Variants in SEMA3E observed in about 807,000 individuals in gnomAD.
SEMA3E encodes the protein semaphorin-3E.
SEMA3E carries 49 observed loss-of-function variants against 93.6 expected under a neutral mutation model. That is an observed-to-expected ratio of 0.52 (90% CI 0.42 to 0.66). The LOEUF (loss-of-function observed/expected upper bound fraction) is 0.66. Ranked by LOEUF, SEMA3E falls within the 30% of genes least tolerant of loss-of-function variation. The probability of loss-of-function intolerance (pLI) is 0.00; values close to 1 mark genes in which losing one functional copy is unlikely to be tolerated. For synonymous variants in SEMA3E, 363 were observed against 330.7 expected, an observed-to-expected ratio of 1.10 and a Z score of -1.06; for missense variants, 906 against 964.8, an observed-to-expected ratio of 0.94 and a Z score of 0.81.
intron 1 of SEMA3E, among the ~76,000 whole-genome samples, chr7:83,565,152 G>A (rs1174436538): frequency 1.3e-5 from 2 of 151,998 alleles, no homozygotes; most frequent in African/African-American, 4.8e-5. Context: ...CCAAGAAGAA[G>A]TTGAAGATAA....
intron 2 of SEMA3E, among the ~76,000 whole-genome samples, chr7:83,482,071 T>A (rs1334741089): frequency 6.6e-6 from 1 of 152,122 alleles, no homozygotes; most frequent in Admixed American, 6.5e-5. Context: ...ACACAATCCT[T>A]AGGTGTTTAC....
intron 9 of SEMA3E, among the ~76,000 whole-genome samples, chr7:83,404,757 G>A (rs781132066): frequency 6.6e-6 from 1 of 151,962 alleles, no homozygotes; most frequent in Non-Finnish European, 1.5e-5. Flanking sequence ...ATGAATCAAC[G>A]TAAGAGCAGG....
intron 1 of SEMA3E, among the ~76,000 whole-genome samples, chr7:83,573,567 G>A (rs957715541): frequency 2.6e-5 from 4 of 152,110 alleles, no homozygotes; most frequent in African/African-American, 9.6e-5. Flanking sequence ...AAAATAACAG[G>A]AGGATAAAGG....
chr7:83,566,893 A>G (rs949958900), intron 1 of SEMA3E, among the ~76,000 whole-genome samples: 2 of 152,214 alleles, frequency 1.3e-5, no homozygotes, highest in Non-Finnish European at 2.9e-5. Flanking sequence ...ACCAAAAATC[A>G]ATTCATAAAA....
At chr7:83,392,843 T>G (rs1788045298) in intron 13 of SEMA3E, 122 bp from the exon 14 acceptor site, 1 of 931,948 alleles carries the variant, frequency 1.1e-6, no homozygotes, top group Non-Finnish European at 1.7e-6. Flanking sequence ...TTAATTCACT[T>G]AAATTAGCAG....
At chr7:83,396,778 G>A (rs375754732) in intron 11 of SEMA3E, 49 bp from the exon 12 acceptor site, 25 of 1,327,990 alleles carry the variant, frequency 1.9e-5, no homozygotes, top group Admixed American at 5.9e-5. Flanking sequence ...GTCACAGTAC[G>A]GTTTTCAAAA....
At chr7:83,615,651 C>T (rs1793349673) in intron 1 of SEMA3E, among the ~76,000 whole-genome samples, 1 of 152,018 alleles carries the variant, frequency 6.6e-6, no homozygotes, top group African/African-American at 2.4e-5. Flanking sequence ...TCATTTTTTA[C>T]TACAGTTGGA....
intron 2 of SEMA3E, among the ~76,000 whole-genome samples, chr7:83,484,796 G>A (rs1009202052): frequency 2.6e-5 from 4 of 151,828 alleles, no homozygotes; most frequent in Non-Finnish European, 2.9e-5. Flanking sequence ...AATAATTCTA[G>A]GGTTATTAAA....
intron 3 of SEMA3E, among the ~76,000 whole-genome samples, chr7:83,468,569 GA>G (rs1789823657): frequency 6.6e-6 from 1 of 150,410 alleles, no homozygotes; most frequent in Admixed American, 6.6e-5. Flanking sequence ...TTTTTTAACT[GA>G]AAAAAAGGTT....
chr7:83,495,657 A>C (rs1790477242), intron 1 of SEMA3E, among the ~76,000 whole-genome samples: 1 of 151,952 alleles, frequency 6.6e-6, no homozygotes, highest in South Asian at 2.1e-4. Flanking sequence ...AAAGAAGTAA[A>C]AATATCAACA....
chr7:83,502,481 C>A (rs1790614709), intron 1 of SEMA3E, among the ~76,000 whole-genome samples: 1 of 152,086 alleles, frequency 6.6e-6, no homozygotes, highest in Admixed American at 6.6e-5. Context: ...CCTGGACTCT[C>A]CTTCTGTCTG....
chr7:83,406,121 A>G (rs1788324750), intron 7 of SEMA3E, 62 bp from the exon 8 acceptor site: 7 of 1,190,084 alleles, frequency 5.9e-6, no homozygotes, highest in African/African-American at 1.5e-5. Context: ...CACAGATTTC[A>G]TATTATTAAA....
At chr7:83,487,048 C>A (rs184519123) in intron 2 of SEMA3E, among the ~76,000 whole-genome samples, 19 of 152,172 alleles carry the variant, frequency 1.2e-4, no homozygotes, top group Non-Finnish European at 2.5e-4. Context: ...CATCACTCTC[C>A]GGGTCTCCTA....
At chr7:83,642,636 ATGTTATTT>A (rs1292195467) in intron 1 of SEMA3E, among the ~76,000 whole-genome samples, 12 of 152,044 alleles carry the variant, frequency 7.9e-5, no homozygotes, top group African/African-American at 2.7e-4. Flanking sequence ...TATGCCTCCA[ATGTTATTT>A]AAGGCTTTAC....
intron 3 of SEMA3E, among the ~76,000 whole-genome samples, chr7:83,467,935 G>A (rs1489096833): frequency 6.6e-6 from 1 of 152,094 alleles, no homozygotes; most frequent in East Asian, 1.9e-4. Context: ...AATCAACTTG[G>A]CTAAATTAAT....
chr7:83,512,157 A>G (rs1330810801), intron 1 of SEMA3E, among the ~76,000 whole-genome samples: 2 of 152,174 alleles, frequency 1.3e-5, no homozygotes, highest in Non-Finnish European at 2.9e-5. Context: ...TTCACTGAAA[A>G]GGTAATCCAG....
intron 11 of SEMA3E, 64 bp from the exon 12 acceptor site, chr7:83,396,793 C>A (rs544699466): frequency 1.8e-6 from 2 of 1,102,334 alleles, no homozygotes; most frequent in East Asian, 5.0e-5. Context: ...TCAAAAAAAC[C>A]ATGTAGCTGG....
chr7:83,565,665 A>C (rs1403081610), intron 1 of SEMA3E, among the ~76,000 whole-genome samples: 4 of 152,212 alleles, frequency 2.6e-5, no homozygotes, highest in African/African-American at 9.6e-5. Context: ...TACAAACTTA[A>C]AAATTGTTTT....
intron 1 of SEMA3E, among the ~76,000 whole-genome samples, chr7:83,527,882 G>T (rs1791194103): frequency 6.6e-6 from 1 of 151,818 alleles, no homozygotes; most frequent in Admixed American, 6.6e-5. Context: ...TTTAAAACCT[G>T]TTTTCTGCCT....
Sources: allele counts gnomAD v4.1 joint callset (sites outside exome capture counted in the v4.1 genomes callset), GRCh38; gene constraint gnomAD v4.1.1; transcripts MANE v1.5; gene names NCBI Gene and HGNC (gene_info 2026-07-23, HGNC 2026-07-21).